Variants in RAB30 observed in about 807,000 individuals in gnomAD.
RAB30 encodes the protein ras-related protein Rab-30.
A neutral mutation model predicts 25.1 loss-of-function variants in RAB30; 9 were observed. The observed-to-expected ratio is 0.36, with a 90% CI of 0.22 to 0.63. The LOEUF (loss-of-function observed/expected upper bound fraction) is 0.63. Among genes scored for constraint, RAB30 ranks in the 20% least tolerant of loss-of-function variants. The pLI is 0.69. For synonymous variants in RAB30, 77 were observed against 86.4 expected, an observed-to-expected ratio of 0.89 and a Z score of 0.60; for missense variants, 140 against 243.5, an observed-to-expected ratio of 0.58 and a Z score of 2.83.
At chr11:83,057,420 A>G (rs1294368794) in intron 1 of RAB30, among the ~76,000 whole-genome samples, 2 of 152,170 alleles carry the variant, frequency 1.3e-5, no homozygotes, top group Non-Finnish European at 2.9e-5. Context: ...GGCCAGAAAC[A>G]TTCTTTCCAA....
chr11:83,040,891 G>A (rs149040491), intron 1 of RAB30: 117 of 153,966 alleles, frequency 7.6e-4, no homozygotes, highest in African/African-American at 2.6e-3. Flanking sequence ...GAGCCACCAC[G>A]TCTTCAAATT....
At chr11:83,009,656 G>C (rs1857262212) in intron 1 of RAB30, among the ~76,000 whole-genome samples, 1 of 152,118 alleles carries the variant, frequency 6.6e-6, no homozygotes, top group Non-Finnish European at 1.5e-5. Flanking sequence ...CAAAAGACCA[G>C]AGAGGTCCAA....
intron 1 of RAB30, among the ~76,000 whole-genome samples, chr11:83,001,041 C>T (rs1271539783): frequency 2.1e-5 from 2 of 95,152 alleles, no homozygotes; most frequent in East Asian, 2.9e-4. Context: ...AACGAGACTC[C>T]GTCTCAAAAA....
At chr11:83,023,001 A>C (rs1857617556) in intron 1 of RAB30, among the ~76,000 whole-genome samples, 1 of 152,102 alleles carries the variant, frequency 6.6e-6, no homozygotes, top group Non-Finnish European at 1.5e-5. Flanking sequence ...ATATATACAC[A>C]TACACACAAA....
At chr11:83,008,562 T>C (rs1480246137) in intron 1 of RAB30, among the ~76,000 whole-genome samples, 1 of 152,236 alleles carries the variant, frequency 6.6e-6, no homozygotes, top group Non-Finnish European at 1.5e-5. Context: ...TTTACATCTA[T>C]AGAGCACTTT....
chr11:83,010,414 G>C (rs1321071177), intron 1 of RAB30, among the ~76,000 whole-genome samples: 2 of 152,122 alleles, frequency 1.3e-5, no homozygotes. Flanking sequence ...TCACGCCATT[G>C]CACTCCAGAC....
At chr11:83,004,436 G>A (rs1428000173) in intron 1 of RAB30, among the ~76,000 whole-genome samples, 1 of 152,188 alleles carries the variant, frequency 6.6e-6, no homozygotes, top group Non-Finnish European at 1.5e-5. Flanking sequence ...GGTCACAGTA[G>A]AAATAGAGGC....
At chr11:83,018,171 C>T (rs571896663) in intron 1 of RAB30, among the ~76,000 whole-genome samples, 11 of 152,102 alleles carry the variant, frequency 7.2e-5, no homozygotes, top group African/African-American at 1.4e-4. Flanking sequence ...TGGTGGCATG[C>T]GCCTGTAGTC....
intron 4 of RAB30, among the ~76,000 whole-genome samples, chr11:82,983,440 C>G (rs1485891449): frequency 6.6e-6 from 1 of 151,738 alleles, no homozygotes; most frequent in Non-Finnish European, 1.5e-5. Context: ...CCCTTTTTTT[C>G]TTTTAACTGA....
intron 1 of RAB30, among the ~76,000 whole-genome samples, chr11:83,069,677 A>G (rs527832285): frequency 6.6e-6 from 1 of 152,338 alleles, no homozygotes; most frequent in South Asian, 2.1e-4. Flanking sequence ...AAGACTACTT[A>G]TTCCTTGGGA....
intron 1 of RAB30, among the ~76,000 whole-genome samples, chr11:83,026,803 C>T (rs1363414926): frequency 8.7e-6 from 1 of 115,038 alleles, no homozygotes; most frequent in African/African-American, 3.8e-5. Context: ...CAGTAAAGTG[C>T]TTTATTTTTA....
At chr11:83,019,095 C>T (rs1380177935) in intron 1 of RAB30, among the ~76,000 whole-genome samples, 2 of 152,184 alleles carry the variant, frequency 1.3e-5, no homozygotes, top group Non-Finnish European at 2.9e-5. Context: ...GGCATGATCT[C>T]GGCTCACTGC....
At chr11:83,024,251 T>G (rs115119863) in intron 1 of RAB30, among the ~76,000 whole-genome samples, 88 of 152,356 alleles carry the variant, frequency 5.8e-4, no homozygotes, top group African/African-American at 2.0e-3. Context: ...CAGCATCTCT[T>G]GTTTTTCGCT....
At chr11:83,063,137 C>T (rs1858621254) in intron 1 of RAB30, among the ~76,000 whole-genome samples, 1 of 152,126 alleles carries the variant, frequency 6.6e-6, no homozygotes, top group Admixed American at 6.5e-5. Context: ...CCCCAGGGTT[C>T]CTGTTAGGGC....
At chr11:83,005,112 A>G (rs988239794) in intron 1 of RAB30, among the ~76,000 whole-genome samples, 3 of 152,222 alleles carry the variant, frequency 2.0e-5, no homozygotes, top group East Asian at 3.8e-4. Context: ...TATAGTTTAC[A>G]AAATTCTTTC....
At chr11:83,046,386 A>G (rs1471544088) in intron 1 of RAB30, among the ~76,000 whole-genome samples, 5 of 152,180 alleles carry the variant, frequency 3.3e-5, no homozygotes, top group Admixed American at 2.6e-4. Context: ...TTTGGCCTTC[A>G]GTTTCCTCAT....
At chr11:83,048,850 C>T (rs148639357) in intron 1 of RAB30, among the ~76,000 whole-genome samples, 10 of 152,342 alleles carry the variant, frequency 6.6e-5, no homozygotes, top group African/African-American at 2.4e-4. Flanking sequence ...CTCTCCAAAT[C>T]CCATTGCTGT....
intron 1 of RAB30, chr11:83,060,110 G>A (rs1191347957): frequency 6.6e-6 from 1 of 152,496 alleles, no homozygotes; most frequent in Non-Finnish European, 1.5e-5. Flanking sequence ...GCTGAGGCAG[G>A]AGAATTGCTT....
At chr11:83,021,172 C>T (rs1421997978) in intron 1 of RAB30, among the ~76,000 whole-genome samples, 1 of 152,262 alleles carries the variant, frequency 6.6e-6, no homozygotes, top group Non-Finnish European at 1.5e-5. Flanking sequence ...CTTGCTTACC[C>T]TTCCGCCTGT....
Sources: allele counts gnomAD v4.1 joint callset (sites outside exome capture counted in the v4.1 genomes callset), GRCh38; gene constraint gnomAD v4.1.1; transcripts MANE v1.5; gene names NCBI Gene and HGNC (gene_info 2026-07-23, HGNC 2026-07-21).